Variants in AGBL1 observed in about 807,000 individuals in gnomAD.
The protein encoded by AGBL1 is cytosolic carboxypeptidase 4.
AGBL1 carries 130 observed loss-of-function variants against 118.9 expected under a neutral mutation model. The observed-to-expected ratio is 1.09, with a 90% CI of 0.95 to 1.26. AGBL1 has a LOEUF of 1.26. AGBL1 is among the 50% of genes most tolerant of loss of function. AGBL1 has a pLI of 0.00. For missense variants in AGBL1, 1,584 were observed against 1,298.1 expected, an observed-to-expected ratio of 1.22 and a Z score of -3.38; for synonymous variants, 555 against 478.9, an observed-to-expected ratio of 1.16 and a Z score of -2.08.
At chr15:86,140,371 G>C (rs1321454434) in intron 1 of AGBL1, 1 of 151,904 alleles carries the variant, frequency 6.6e-6, no homozygotes, top group Non-Finnish European at 1.5e-5. Flanking sequence ...ACTGAAGAAA[G>C]TGTAGGCATC....
At chr15:86,080,106 C>A in intron 1 of AGBL1, 83 bp downstream of exon 1, 1 of 1,097,936 alleles carries the variant, frequency 9.1e-7, no homozygotes, top group Non-Finnish European at 1.2e-6. Context: ...TGCACACAGT[C>A]CCCTCTGGCA....
chr15:86,400,507 A>G (rs1382958061), intron 18 of AGBL1, among the ~76,000 whole-genome samples: 1 of 147,028 alleles, frequency 6.8e-6, no homozygotes, highest in Non-Finnish European at 1.5e-5. Flanking sequence ...TTTTTTGGCT[A>G]CGTGGATAAG....
In AGBL1 at chr15:86,542,251, C is replaced by T. The variant is rs372051263; in HGVS notation, c.2686-3751C>T. Among the ~76,000 whole-genome samples the T allele has an allele frequency of 1.8e-3, 280 of 152,186 alleles. 1 individual carries two copies. The highest frequency in any genetic ancestry group is 6.5e-3 in the African/African-American group (270 of 41,500). On this transcript the variant is annotated intron_variant, in intron 19 of 22. Transcript: ENST00000614907. ...TGTTTATGAGAGGGCTCAGAAGACACTCCCTCCATGAAGCAATGAGAAATA... is the reference window on the plus strand; with the variant it reads ...TGTTTATGAGAGGGCTCAGAAGACATTCCCTCCATGAAGCAATGAGAAATA...
intron 19 of AGBL1, among the ~76,000 whole-genome samples, chr15:86,538,012 T>C (rs1275226380): frequency 5.9e-5 from 9 of 152,184 alleles, no homozygotes; most frequent in South Asian, 2.1e-4. Context: ...CTGAAATATT[T>C]TGGAAAGAAC....
chr15:86,608,609 C>G (rs1374081071), intron 21 of AGBL1, among the ~76,000 whole-genome samples: 3 of 152,096 alleles, frequency 2.0e-5, no homozygotes, highest in African/African-American at 7.2e-5. Flanking sequence ...CTATATACGA[C>G]ATGATGCTGA....
intron 1 of AGBL1, among the ~76,000 whole-genome samples, chr15:86,087,609 C>T (rs1029782467): frequency 2.0e-5 from 3 of 152,156 alleles, no homozygotes; most frequent in Non-Finnish European, 4.4e-5. Context: ...GGATTACAGG[C>T]GTGAGCCACT....
intron 24 of AGBL1, among the ~76,000 whole-genome samples, chr15:87,004,796 T>C (rs1008058360): frequency 2.0e-5 from 3 of 152,184 alleles, no homozygotes; most frequent in African/African-American, 4.8e-5. Flanking sequence ...ATGGTCTTTC[T>C]TTACAATTTG....
chr15:86,187,195 A>G (rs555570632), intron 5 of AGBL1, among the ~76,000 whole-genome samples: 1 of 152,324 alleles, frequency 6.6e-6, no homozygotes, highest in East Asian at 1.9e-4. Context: ...TTAAAAAAGG[A>G]TATGGGAGAA....
At chr15:86,965,221 T>C (rs1458738932) in intron 23 of AGBL1, among the ~76,000 whole-genome samples, 1 of 152,148 alleles carries the variant, frequency 6.6e-6, no homozygotes, top group Non-Finnish European at 1.5e-5. Context: ...TCTTCCACAA[T>C]GGTTGAACTA....
rs139678186 is a variant in AGBL1, at chr15:86,125,927, G to A, written c.52-16077G>A. Among the ~76,000 whole-genome samples the A allele has an allele frequency of 5.1e-3, 783 of 152,312 alleles. 4 individuals are homozygous for A. The highest frequency in any genetic ancestry group is 8.8e-3 in the Non-Finnish European group (597 of 68,034). On this transcript the variant is annotated intron_variant, in intron 1 of 22. Coordinates refer to ENST00000614907, the MANE Select transcript of AGBL1 (RefSeq NM_001386094.1). Reference sequence around the variant, plus strand: ...CAGCCCTGGCAATTAGAGAAGAGAAGCCTGATGTCCTCTTTATGGGTTATG... The same window carrying A: ...CAGCCCTGGCAATTAGAGAAGAGAAACCTGATGTCCTCTTTATGGGTTATG...
chr15:86,808,506 A>G (rs1227647234), intron 22 of AGBL1, among the ~76,000 whole-genome samples: 1 of 152,162 alleles, frequency 6.6e-6, no homozygotes, highest in Admixed American at 6.5e-5. Flanking sequence ...ACATCTGCTA[A>G]GATGAAAAAC....
chr15:86,287,008 G>T (rs1482414708), intron 16 of AGBL1, among the ~76,000 whole-genome samples: 1 of 152,002 alleles, frequency 6.6e-6, no homozygotes, highest in Non-Finnish European at 1.5e-5. Flanking sequence ...ATCCTCACCA[G>T]CACTTGCTAT....
intron 18 of AGBL1, among the ~76,000 whole-genome samples, chr15:86,480,103 G>C (rs533253975): frequency 6.6e-6 from 1 of 152,068 alleles, no homozygotes; most frequent in African/African-American, 2.4e-5. Flanking sequence ...GGGAGAGGGG[G>C]GAGGGATAGC....
At chr15:86,920,199 C>A (rs1012830313), downstream of AGBL1, among the ~76,000 whole-genome samples, 1 of 152,138 alleles carries the variant, frequency 6.6e-6, no homozygotes, top group Admixed American at 6.5e-5. Context: ...TGTCTGAATT[C>A]AGTTCCTTGT....
rs557764244 is a variant in AGBL1, at chr15:86,988,313, G to A, written c.3323+225G>A. The A allele has an allele frequency of 1.0e-4, 47 of 469,282 alleles. 2 individuals are homozygous for A. The South Asian group carries it at 1.2e-3, about 12-fold the overall frequency. The allele number at this position is 469,282 out of a possible 1,614,324, so 29.1% of individuals were successfully genotyped here. A position where few individuals can be genotyped will look rare whatever the true frequency, so the allele number is the denominator to read the frequency against. On this transcript the variant is annotated intron_variant, in intron 24 of 24. Transcript: ENST00000441037. ...AATGAATACGATTACTGGTTGTTCTGTATGCATAGAACTCAGTACTTACTA... is the reference window on the plus strand; with the variant it reads ...AATGAATACGATTACTGGTTGTTCTATATGCATAGAACTCAGTACTTACTA...
intron 22 of AGBL1, among the ~76,000 whole-genome samples, chr15:86,724,954 A>G (rs1166452060): frequency 2.6e-5 from 4 of 152,194 alleles, no homozygotes; most frequent in African/African-American, 9.7e-5. Flanking sequence ...CCATGAGCCA[A>G]TTAAACCTTG....
intron 22 of AGBL1, among the ~76,000 whole-genome samples, chr15:86,716,287 G>C (rs1225268925): frequency 6.6e-6 from 1 of 151,762 alleles, no homozygotes; most frequent in Non-Finnish European, 1.5e-5. Context: ...ACTCAACCCA[G>C]TCCTTTTTTT....
At chr15:86,842,509 A>G (rs1596541495) in intron 22 of AGBL1, among the ~76,000 whole-genome samples, 1 of 152,202 alleles carries the variant, frequency 6.6e-6, no homozygotes, top group African/African-American at 2.4e-5. Context: ...TTGAATTAGA[A>G]ACTGGCTGGC....
At chr15:86,142,374 G>GT (rs1253163821) in intron 2 of AGBL1, among the ~76,000 whole-genome samples, 7 of 152,162 alleles carry the variant, frequency 4.6e-5, no homozygotes, top group African/African-American at 1.4e-4. Flanking sequence ...AGAGAGCTGA[G>GT]TATCAGAAGC....
Sources: allele counts gnomAD v4.1 joint callset (sites outside exome capture counted in the v4.1 genomes callset), GRCh38; gene constraint gnomAD v4.1.1; transcripts MANE v1.5; gene names NCBI Gene and HGNC (gene_info 2026-07-23, HGNC 2026-07-21).